GASK1A: variants seen among roughly 807,000 people sequenced by gnomAD.
GASK1A encodes golgi associated kinase 1A, also known as Golgi-associated kinase 1A.
GASK1A carries 40 observed loss-of-function variants against 41.2 expected under a neutral mutation model. The ratio of observed to expected loss-of-function variants is 0.97; its 90% CI spans 0.75 to 1.27. The LOEUF is 1.27. GASK1A is among the 50% of genes most tolerant of loss of function. GASK1A has a pLI of 0.00. For missense variants in GASK1A, 678 were observed against 745.1 expected (o/e 0.91, Z 1.05); for synonymous variants, 316 against 307.1 (o/e 1.03, Z -0.30).
intron 1 of GASK1A, among the ~76,000 whole-genome samples, chr3:43,026,970 T>C (rs1331264110): frequency 6.6e-6 from 1 of 152,218 alleles, no homozygotes; most frequent in Non-Finnish European, 1.5e-5. Context: ...ATCTTAGGAA[T>C]GTTACTGGAT....
In GASK1A at chr3:42,984,432, G is replaced by A. The variant is rs1485807533; in HGVS notation, c.3+4787G>A. ...CACACATACTCTTGGGAGTGGCCTGGGATCTGGTCCTATTCCCCAGAGTCC... is the reference window on the plus strand; with the variant it reads ...CACACATACTCTTGGGAGTGGCCTGAGATCTGGTCCTATTCCCCAGAGTCC... On this transcript the variant is annotated intron_variant, in intron 1 of 4. Coordinates refer to ENST00000430121, the MANE Select transcript of GASK1A (RefSeq NM_001129908.3). The surrounding 1 kb of genome is among the most constrained non-coding windows in gnomAD (Gnocchi z 4.2). Among the ~76,000 whole-genome samples, 1 of 152,074 alleles carries A rather than the reference G, an allele frequency of 6.6e-6. No homozygotes were observed. The highest frequency in any genetic ancestry group is 1.5e-5 in the Non-Finnish European group (1 of 67,996).
rs374512313 is a variant in GASK1A, at chr3:43,051,342, G to A, written c.1291-2179G>A. Among the ~76,000 whole-genome samples the A allele has an allele frequency of 2.2e-4, 34 of 152,270 alleles. No homozygotes were observed. In the East Asian group the frequency reaches 5.6e-3, roughly 25 times the overall value. Reference sequence around the variant, plus strand: ...GAGCAGGAGATTTTCATGAATTTCCGGAGCCAGTAAGTCTCCTAGTCTTTG... The same window carrying A: ...GAGCAGGAGATTTTCATGAATTTCCAGAGCCAGTAAGTCTCCTAGTCTTTG... On this transcript the variant is annotated intron_variant, in intron 2 of 4. Transcript: ENST00000430121.
At chr3:43,041,597 A>G (rs989501730) in intron 2 of GASK1A, among the ~76,000 whole-genome samples, 4 of 152,148 alleles carry the variant, frequency 2.6e-5, no homozygotes, top group African/African-American at 4.8e-5. Context: ...TAAGAAGGCT[A>G]TTTCTTCTGC....
At chr3:43,055,284 A>G (rs2089710255) in intron 3 of GASK1A, 148 bp from the exon 4 acceptor site, 1 of 603,268 alleles carries the variant, frequency 1.7e-6, no homozygotes. Context: ...GCATAGAGTA[A>G]GCACTCAGCG....
At chr3:43,009,673 C>G (rs777458011) in intron 1 of GASK1A, among the ~76,000 whole-genome samples, 1 of 152,194 alleles carries the variant, frequency 6.6e-6, no homozygotes, top group African/African-American at 2.4e-5. Flanking sequence ...TATCTGGAGG[C>G]AACATCCTTC....
chr3:43,013,166 GGTCACAGGAAGGGGCTGTGTGAA>G (rs2089472512), intron 1 of GASK1A, among the ~76,000 whole-genome samples: 1 of 144,500 alleles, frequency 6.9e-6, no homozygotes, highest in African/African-American at 2.7e-5. Flanking sequence ...GGCAGTATGA[GGTCACAGGAAGGGGCTGTGTGAA>G]GTCACTGGAA....
At chr3:43,047,712 A>G (rs2089670841) in intron 2 of GASK1A, among the ~76,000 whole-genome samples, 1 of 152,172 alleles carries the variant, frequency 6.6e-6, no homozygotes, top group Non-Finnish European at 1.5e-5. Context: ...TCCCACAGCA[A>G]CTACCTGCAG....
intron 1 of GASK1A, among the ~76,000 whole-genome samples, chr3:42,994,787 C>T (rs1479747384): frequency 1.3e-5 from 2 of 151,874 alleles, no homozygotes; most frequent in Admixed American, 6.6e-5. Context: ...TCATTTCCCC[C>T]GACAGCATCC....
At chr3:43,044,629 C>A (rs76743936) in intron 2 of GASK1A, among the ~76,000 whole-genome samples, 1,706 of 152,298 alleles carry the variant, frequency 0.011, 30 homozygotes, top group African/African-American at 0.039. Context: ...TCCCCAAATT[C>A]ATCTGGACTT....
intron 1 of GASK1A, among the ~76,000 whole-genome samples, chr3:42,996,802 G>C (rs2089372659): frequency 6.6e-6 from 1 of 152,240 alleles, no homozygotes; most frequent in African/African-American, 2.4e-5. Context: ...TGTTCCCTGT[G>C]ACCATTTGGG....
At chr3:43,012,308 C>G (rs909623207) in intron 1 of GASK1A, among the ~76,000 whole-genome samples, 4 of 147,162 alleles carry the variant, frequency 2.7e-5, no homozygotes, top group Admixed American at 6.7e-5. Flanking sequence ...CTGGAAGTAG[C>G]TGTGTGAAGC....
At chr3:43,043,303 TGAG>T (rs2089646898) in intron 2 of GASK1A, among the ~76,000 whole-genome samples, 1 of 152,148 alleles carries the variant, frequency 6.6e-6, no homozygotes, top group Admixed American at 6.5e-5. Context: ...AGGCACTGCT[TGAG>T]GAGTCTTGGC....
rs142196562 is a variant in GASK1A at position 43,031,697 on chromosome 3, A to G, written c.4-570A>G. Among the ~76,000 whole-genome samples the G allele has an allele frequency of 4.2e-3, 640 of 152,318 alleles. 4 individuals are homozygous for G. Among genetic ancestry groups the G allele is most frequent in the African/African-American group, 0.014 (588 of 41,564 alleles). On this transcript the variant is annotated intron_variant, in intron 1 of 4. Coordinates refer to ENST00000430121, the MANE Select transcript of GASK1A (RefSeq NM_001129908.3). The stretch of plus-strand genomic sequence containing the variant: ...CAAGAGAGAAAGGCCAGGGTGGCTA[A>G]CTTCCTTTTAAGCATGTGGGGCTGG...
chr3:43,016,792 G>A (rs1397842234), intron 1 of GASK1A, among the ~76,000 whole-genome samples: 2 of 152,118 alleles, frequency 1.3e-5, no homozygotes, highest in Non-Finnish European at 2.9e-5. Flanking sequence ...TACAGGAAGG[G>A]GCAGTGGAAT....
At chr3:42,979,832 G>A (rs1203687972) in intron 1 of GASK1A, among the ~76,000 whole-genome samples, 187 bp downstream of exon 1, 3 of 152,172 alleles carry the variant, frequency 2.0e-5, no homozygotes, top group Non-Finnish European at 4.4e-5. Context: ...GGGGCGATCG[G>A]CTTTCCTGCC....
intron 1 of GASK1A, among the ~76,000 whole-genome samples, chr3:43,005,470 A>G (rs1306785727): frequency 6.6e-6 from 1 of 152,232 alleles, no homozygotes; most frequent in Non-Finnish European, 1.5e-5. Context: ...CCCTTTGTCC[A>G]GTATATTCAC....
intron 2 of GASK1A, among the ~76,000 whole-genome samples, chr3:43,052,249 A>G (rs933607397): frequency 1.3e-5 from 2 of 152,114 alleles, no homozygotes; most frequent in African/African-American, 2.4e-5. Flanking sequence ...ACCAAACCTG[A>G]ACTCAAAGCT....
chr3:43,012,990 C>CAGA (rs536362415), intron 1 of GASK1A, among the ~76,000 whole-genome samples: 213 of 145,156 alleles, frequency 1.5e-3, no homozygotes, highest in Non-Finnish European at 2.8e-3. Context: ...TGTGAAGTTA[C>CAGA]AGAAGGGGCT....
chr3:42,993,918 T>C (rs1452725949), intron 1 of GASK1A, among the ~76,000 whole-genome samples: 1 of 152,232 alleles, frequency 6.6e-6, no homozygotes, highest in Non-Finnish European at 1.5e-5. Context: ...TCATTCATTA[T>C]CTCCCGGAAT....
Sources: gnomAD v4.1 joint callset for allele counts (sites outside exome capture counted in the v4.1 genomes callset) on GRCh38, gnomAD v4.1.1 for gene constraint, Gnocchi (gnomAD v3.1) non-coding constraint, MANE v1.5 for transcripts, NCBI Gene and HGNC (gene_info 2026-07-23, HGNC 2026-07-21) for gene names.